Variants in INPP5A observed in about 807,000 individuals in gnomAD.
INPP5A encodes the protein inositol polyphosphate-5-phosphatase A, also known as 43 kDa inositol polyphosphate 5-phophatase.
In INPP5A, 14 loss-of-function variants were observed where a neutral mutation model predicts 65.2. That is an observed-to-expected ratio of 0.21 (90% confidence interval 0.14 to 0.34). The LOEUF is 0.34. Ranked by LOEUF, INPP5A falls within the 10% of genes least tolerant of loss-of-function variation. The probability of loss-of-function intolerance (pLI) is 1.00; values close to 1 mark genes in which losing one functional copy is unlikely to be tolerated. For synonymous variants in INPP5A, 207 were observed against 208.3 expected, an observed-to-expected ratio of 0.99 and a Z score of 0.05; for missense variants, 431 against 545.6, an observed-to-expected ratio of 0.79 and a Z score of 2.09.
intron 2 of INPP5A, among the ~76,000 whole-genome samples, chr10:132,615,624 G>A (rs2072021577): frequency 6.6e-6 from 1 of 152,248 alleles, no homozygotes; most frequent in Admixed American, 6.5e-5. Flanking sequence ...TCTGCCCCTG[G>A]TGAAGCAGCT....
intron 12 of INPP5A, among the ~76,000 whole-genome samples, chr10:132,769,904 C>T (rs1264288054): frequency 4.6e-5 from 7 of 151,572 alleles, no homozygotes; most frequent in South Asian, 2.1e-4. Context: ...TGCCTTTTTG[C>T]GCATCCTAGC....
intron 8 of INPP5A, among the ~76,000 whole-genome samples, chr10:132,721,847 C>A (rs201210688): frequency 6.6e-6 from 1 of 152,064 alleles, no homozygotes; most frequent in African/African-American, 2.4e-5. Flanking sequence ...GTCTTGCCTG[C>A]GTCTGTGGTG....
intron 9 of INPP5A, among the ~76,000 whole-genome samples, chr10:132,744,065 G>A (rs1376359855): frequency 1.3e-5 from 2 of 152,266 alleles, no homozygotes; most frequent in African/African-American, 4.8e-5. Context: ...CCCCACAGAG[G>A]TGGAGGAGTG....
chr10:132,577,824 C>T (rs76306068), intron 1 of INPP5A, among the ~76,000 whole-genome samples: 3,534 of 152,242 alleles, frequency 0.023, 48 homozygotes, highest in South Asian at 0.039. Context: ...CGCCCATGGG[C>T]GCTGCTCTCG....
At chr10:132,744,064 GGT>G (rs1846325063) in intron 9 of INPP5A, among the ~76,000 whole-genome samples, 1 of 152,254 alleles carries the variant, frequency 6.6e-6, no homozygotes, top group South Asian at 2.1e-4. Context: ...CCCCCACAGA[GGT>G]GGAGGAGTGG....
At chr10:132,559,523 C>G (rs1047455977) in intron 1 of INPP5A, among the ~76,000 whole-genome samples, 4 of 152,348 alleles carry the variant, frequency 2.6e-5, no homozygotes, top group South Asian at 2.1e-4. Context: ...CCGCCAACCA[C>G]GAAGCCACTT....
chr10:132,686,450 G>A (rs1233916116), intron 4 of INPP5A, among the ~76,000 whole-genome samples: 1 of 152,226 alleles, frequency 6.6e-6, no homozygotes, highest in African/African-American at 2.4e-5. Context: ...ACTGTGGTCA[G>A]AGACCTGGGC....
chr10:132,765,980 CAG>C (rs1846835025), intron 12 of INPP5A, 134 bp downstream of exon 12: 7 of 675,756 alleles, frequency 1.0e-5, no homozygotes, highest in East Asian at 5.3e-5. Context: ...TGTGTGCATC[CAG>C]AGTGTGTGTA....
chr10:132,538,429 A>C lies in INPP5A; in HGVS notation c.75+258A>C, dbSNP rs1305856315. 1.3e-5 allele frequency among the ~76,000 whole-genome samples: 2 copies of C among 152,118 alleles called. No individual in the cohort carries two copies. The highest frequency in any genetic ancestry group is 1.3e-4 in the Admixed American group (2 of 15,274). On this transcript the variant is annotated intron_variant, in intron 1 of 15. Transcript: ENST00000368594. This position sits in a 1 kb window ranked among gnomAD's most constrained non-coding sequence, Gnocchi z 4.1. ...CGAACCCCATCCTCCAGACTCCAGC[A>C]GCTGACCGTTGACCCTGGGACCCTG...
intron 9 of INPP5A, among the ~76,000 whole-genome samples, chr10:132,732,941 G>T (rs567142793): frequency 6.6e-6 from 1 of 152,286 alleles, no homozygotes; most frequent in Non-Finnish European, 1.5e-5. Context: ...AGGACCACAG[G>T]CTGGGTGGCT....
At chr10:132,585,794 G>A (rs1018553343) in intron 1 of INPP5A, among the ~76,000 whole-genome samples, 2 of 152,134 alleles carry the variant, frequency 1.3e-5, no homozygotes, top group African/African-American at 4.8e-5. Flanking sequence ...CATTTTCTGT[G>A]TGACGCTCCC....
Position 132,696,026 on chromosome 10 carries a change from C to T in INPP5A, c.371-1790C>T, listed in dbSNP as rs575996361. On this transcript the variant is annotated intron_variant, in intron 5 of 15. Coordinates refer to ENST00000368594, the MANE Select transcript of INPP5A (RefSeq NM_005539.5). ...AGAGCCCTCACGAATGGGATCGGAG[C>T]CCTCATGAAAGAGGCTGGGAGTTCA... Among the ~76,000 whole-genome samples the T allele has an allele frequency of 2.0e-5, 3 of 152,214 alleles. No homozygotes were observed. In the East Asian group the frequency reaches 5.8e-4, roughly 29 times the overall value.
At chr10:132,712,707 CATGT>C (rs1845666073) in intron 8 of INPP5A, among the ~76,000 whole-genome samples, 1 of 144,830 alleles carries the variant, frequency 6.9e-6, no homozygotes, top group African/African-American at 2.6e-5. Context: ...TGTGTGGGTG[CATGT>C]GAGTGCAGGT....
chr10:132,755,339 TGA>T (rs1846578788), intron 11 of INPP5A, among the ~76,000 whole-genome samples: 1 of 146,528 alleles, frequency 6.8e-6, no homozygotes, highest in Admixed American at 6.8e-5. Flanking sequence ...GTGAGCTGTG[TGA>T]GCGTGTGTGT....
chr10:132,552,189 T>C (rs1195064350), intron 1 of INPP5A, among the ~76,000 whole-genome samples: 9 of 144,608 alleles, frequency 6.2e-5, no homozygotes, highest in South Asian at 2.3e-4. Context: ...GTGAATGCCT[T>C]CTCAGAGCCT....
chr10:132,703,034 G>A (rs1845461785), intron 6 of INPP5A, among the ~76,000 whole-genome samples: 1 of 152,078 alleles, frequency 6.6e-6, no homozygotes, highest in African/African-American at 2.4e-5. Flanking sequence ...ACCGGGGTTG[G>A]GACTCCCCTC....
chr10:132,646,086 C>A, intron 3 of INPP5A, 118 bp downstream of exon 3: 2 of 680,426 alleles, frequency 2.9e-6, no homozygotes, highest in Non-Finnish European at 5.2e-6. Context: ...ACCTGGGGGT[C>A]ATCTTGGCTG....
In INPP5A at chr10:132,537,956, G is replaced by T. The variant is rs1334472273; in HGVS notation, c.-141G>T. The T allele has an allele frequency of 8.9e-5, 16 of 178,938 alleles. No individual in the cohort carries two copies. The highest frequency in any genetic ancestry group is 1.5e-4 in the African/African-American group (6 of 41,294). The allele number at this position is 178,938 out of a possible 1,614,324, so 11.1% of individuals were successfully genotyped here. On this transcript the variant is annotated 5_prime_UTR_variant, in exon 1 of 16. Transcript: ENST00000368594. ...AGCCCCGGCCAGGCCCGGCCGACCC[G>T]CCGAGCCCGCGATGCGCCCCGGGGC...
intron 1 of INPP5A, among the ~76,000 whole-genome samples, chr10:132,573,372 C>T (rs1415145973): frequency 2.4e-4 from 20 of 82,540 alleles, no homozygotes; most frequent in Middle Eastern, 0.012. Flanking sequence ...GTGTGTGTGC[C>T]GTGTGAGGTT....
Sources: gnomAD v4.1 joint callset for allele counts (sites outside exome capture counted in the v4.1 genomes callset) on GRCh38, gnomAD v4.1.1 for gene constraint, Gnocchi (gnomAD v3.1) non-coding constraint, MANE v1.5 for transcripts, NCBI Gene and HGNC (gene_info 2026-07-23, HGNC 2026-07-21) for gene names.